PGAP2: variants seen among roughly 807,000 people sequenced by gnomAD.
PGAP2 encodes post-GPI attachment to proteins 2, also known as acyltransferase PGAP2.
PGAP2 carries 21 observed loss-of-function variants against 33.2 expected under a neutral mutation model. That is an observed-to-expected ratio of 0.63 (90% confidence interval 0.45 to 0.91). PGAP2 has a LOEUF of 0.91. Ranked by LOEUF, PGAP2 falls within the 40% of genes least tolerant of loss-of-function variation. The probability of loss-of-function intolerance (pLI) is 0.00; values close to 1 mark genes in which losing one functional copy is unlikely to be tolerated. For missense variants in PGAP2, 345 were observed against 424.0 expected (o/e 0.81, Z 1.64); for synonymous variants, 161 against 172.9 (o/e 0.93, Z 0.54).
intron 3 of PGAP2, among the ~76,000 whole-genome samples, chr11:3,820,903 T>C (rs1276917902): frequency 2.0e-5 from 3 of 152,210 alleles, no homozygotes; most frequent in African/African-American, 7.2e-5. Context: ...ATGAGGAAAT[T>C]GGAGCTCAGA....
At chr11:3,799,777 C>CGGG (rs1000064885) in intron 1 of PGAP2, among the ~76,000 whole-genome samples, 1 of 152,042 alleles carries the variant, frequency 6.6e-6, no homozygotes, top group African/African-American at 2.4e-5. Flanking sequence ...GAGACCAGCT[C>CGGG]GGGCAACATA....
At chr11:3,821,199 C>G (rs948327541) in intron 3 of PGAP2, among the ~76,000 whole-genome samples, 1 of 152,092 alleles carries the variant, frequency 6.6e-6, no homozygotes, top group African/African-American at 2.4e-5. Flanking sequence ...GCTAGTCTTG[C>G]CCCAGGCCTA....
At chr11:3,824,862 T>C (rs1436184240) in intron 5 of PGAP2, 158 bp from the exon 6 acceptor site, 6 of 1,452,528 alleles carry the variant, frequency 4.1e-6, no homozygotes, top group African/African-American at 1.4e-5. Flanking sequence ...CGTGAACACA[T>C]AGTCGTCATT....
At chr11:3,800,158 AC>A (rs1208135991) in intron 1 of PGAP2, among the ~76,000 whole-genome samples, 1 of 152,218 alleles carries the variant, frequency 6.6e-6, no homozygotes, top group Non-Finnish European at 1.5e-5. Flanking sequence ...AAACACCCCT[AC>A]TTTACAACCA....
chr11:3,814,885 C>CTTCCCT (rs1215772630), intron 2 of PGAP2, among the ~76,000 whole-genome samples: 3 of 140,338 alleles, frequency 2.1e-5, no homozygotes, highest in Admixed American at 7.5e-5. Context: ...TCTTCCTTTC[C>CTTCCCT]TTCCCTTTCC....
chr11:3,810,703 C>G (rs1166989821), intron 1 of PGAP2, among the ~76,000 whole-genome samples: 2 of 152,212 alleles, frequency 1.3e-5, no homozygotes, highest in Non-Finnish European at 2.9e-5. Context: ...CTGTCAGCTT[C>G]CATGGAATCC....
intron 1 of PGAP2, among the ~76,000 whole-genome samples, chr11:3,801,155 G>T (rs1245653188): frequency 2.0e-5 from 3 of 151,098 alleles, no homozygotes; most frequent in African/African-American, 7.3e-5. Flanking sequence ...AGAAAAGAAA[G>T]GAAAGAAAAA....
chr11:3,824,784 A>G, intron 5 of PGAP2: 1 of 1,430,710 alleles, frequency 7.0e-7, no homozygotes. Context: ...TTCATACTCC[A>G]TCCCCCTGAA....
At chr11:3,803,802 T>A (rs1396952223), upstream of PGAP2, among the ~76,000 whole-genome samples, 95 of 150,734 alleles carry the variant, frequency 6.3e-4, no homozygotes, top group African/African-American at 2.3e-3. Flanking sequence ...TATATATTTT[T>A]TTTTTTGAGA....
chr11:3,808,677 G>A, intron 1 of PGAP2, 26 bp downstream of exon 1: 1 of 1,125,982 alleles, frequency 8.9e-7, no homozygotes, highest in Non-Finnish European at 1.1e-6. Flanking sequence ...GATGTGCTGG[G>A]CTGCCGGGCA....
At chr11:3,813,373 C>T (rs1378248979) in intron 2 of PGAP2, among the ~76,000 whole-genome samples, 1 of 150,574 alleles carries the variant, frequency 6.6e-6, no homozygotes, top group East Asian at 1.9e-4. Context: ...TGAGCCACTA[C>T]ACCCAGCTTA....
chr11:3,814,751 T>C (rs56937815), intron 2 of PGAP2, among the ~76,000 whole-genome samples: 13,296 of 42,714 alleles, frequency 0.31, 802 homozygotes, highest in Non-Finnish European at 0.4. Flanking sequence ...TTCCTTCTTT[T>C]CTTTCTTTCT....
At chr11:3,808,690 C>G in intron 1 of PGAP2, 39 bp downstream of exon 1, 1 of 1,080,624 alleles carries the variant, frequency 9.3e-7, no homozygotes, top group Non-Finnish European at 1.1e-6. Context: ...GCCGGGCAGC[C>G]CCACTCGGGA....
In PGAP2 at chr11:3,817,334, T is replaced by C. The variant is rs747356894; in HGVS notation, c.166-19T>C. ...AGGTGTCCTACCAGGCCCCAAGTTG[T>C]ATCCCTCGTGCTGCTTAGGCCACGC... is the stretch of plus-strand genomic sequence containing the variant. On this transcript the variant is annotated intron_variant, in intron 2 of 6. Transcript: ENST00000278243. 3.8e-6 allele frequency: 6 copies of C among 1,596,000 alleles called. No individual in the cohort carries two copies. The Middle Eastern group carries it at 5.3e-4, about 140-fold the overall frequency.
At position 3,824,052 on chromosome 11, in the gene PGAP2, T is replaced by C. The variant is rs749871085; in HGVS notation, c.518T>C (p.Leu173Pro). 1.2e-6 allele frequency: 2 copies of C among 1,614,136 alleles called. No individual in the cohort carries two copies. The highest frequency in any genetic ancestry group is 1.7e-5 in the Admixed American group (1 of 60,024). Residue 173 changes from leucine (L) to proline (P), a missense_variant, in exon 4 of 7, where the codon CTC (leucine) becomes CCC (proline). By Grantham distance (98) the Leu-to-Pro change is moderately conservative (BLOSUM62 -3). Around this residue, in one of 2 missense-constraint regions of PGAP2, gnomAD observed 311 missense variants for 353.6 expected, o/e 0.88. Coordinates refer to ENST00000278243, the MANE Select transcript of PGAP2 (RefSeq NM_014489.4). ...CTSPCSCYRP[L>P]CRLNFGLNVV... The stretch of plus-strand genomic sequence containing the variant: ...TCCCCGTGTTCCTGCTATCGCCCGC[T>C]CTGCCGCCTCAACTTCGGCCTCAAT...
At chr11:3,800,316 A>G (rs1228771735) in intron 1 of PGAP2, among the ~76,000 whole-genome samples, 1 of 152,048 alleles carries the variant, frequency 6.6e-6, no homozygotes, top group African/African-American at 2.4e-5. Context: ...CTACTGACTT[A>G]TTTTGGTGTC....
At chr11:3,798,800 C>T (rs983406718) in intron 1 of PGAP2, among the ~76,000 whole-genome samples, 9 of 151,716 alleles carry the variant, frequency 5.9e-5, no homozygotes, top group African/African-American at 1.9e-4. Context: ...CTCGCCGCCG[C>T]GCCCAGCTGA....
intron 1 of PGAP2, chr11:3,798,117 A>G: frequency 1.4e-6 from 2 of 1,465,292 alleles, no homozygotes; most frequent in Non-Finnish European, 1.8e-6. Context: ...CTGTCCAAAG[A>G]GTTTGCCCGA....
upstream of PGAP2, chr11:3,808,418 G>A: frequency 6.5e-7 from 1 of 1,544,492 alleles, no homozygotes; most frequent in African/African-American, 1.4e-5. Context: ...GACCCGGGCT[G>A]TAAAGCATGG....
Sources: gnomAD v4.1 joint callset for allele counts (sites outside exome capture counted in the v4.1 genomes callset) on GRCh38, gnomAD v4.1.1 for gene constraint, gnomAD v4.1.1 regional missense constraint, MANE v1.5 for transcripts, NCBI Gene and HGNC (gene_info 2026-07-23, HGNC 2026-07-21) for gene names.